Variants in GDF1 observed in about 807,000 individuals in gnomAD.
GDF1 encodes the protein growth differentiation factor 1.
GDF1 carries 8 observed loss-of-function variants against 7.4 expected under a neutral mutation model. The ratio of observed to expected loss-of-function variants is 1.09; its 90% CI spans 0.64 to 1.96. The LOEUF is 1.96. Ranked by LOEUF, GDF1 falls within the 30% of genes most tolerant of loss-of-function variation. The pLI is 0.00. For missense variants in GDF1, 574 were observed against 551.5 expected (o/e 1.04, Z -0.41); for synonymous variants, 311 against 276.7 (o/e 1.12, Z -1.23).
rs768626142 is a variant in GDF1, at chr19:18,879,233, C to T, written c.-423+8G>A. On this transcript the variant is annotated splice_region_variant and intron_variant, in intron 5 of 7. Coordinates refer to ENST00000247005, the MANE Select transcript of GDF1 (RefSeq NM_001492.6). ...CGCCACTGTGGAGGAGAGCCGGGGC[C>T]GACTCACCAGGAACCAGTAGAGGTT... 1.1e-5 allele frequency: 17 copies of T among 1,613,252 alleles called. No homozygotes were observed. Among genetic ancestry groups the T allele is most frequent in the Middle Eastern group, 1.6e-4 (1 of 6,080 alleles).
At chr19:18,872,815 A>C (rs1400182772) in intron 6 of GDF1, among the ~76,000 whole-genome samples, 1 of 146,762 alleles carries the variant, frequency 6.8e-6, no homozygotes, top group Non-Finnish European at 1.5e-5. Context: ...CGCCTGGCTA[A>C]TTTTTATATT....
intron 3 of GDF1, among the ~76,000 whole-genome samples, chr19:18,882,227 A>T (rs941560378): frequency 3.3e-5 from 5 of 152,190 alleles, no homozygotes; most frequent in Admixed American, 2.0e-4. Context: ...GAACTATGGG[A>T]ATGTTCTAAA....
In GDF1 at chr19:18,870,298, GC is replaced by G; in HGVS notation, c.9del (p.Pro4ArgfsTer23). On this transcript the variant is annotated frameshift_variant, in exon 7 of 8. Coordinates refer to ENST00000247005, the MANE Select transcript of GDF1 (RefSeq NM_001492.6). LOFTEE classifies it high-confidence loss of function. This position sits in a 1 kb window ranked among gnomAD's most constrained non-coding sequence, Gnocchi z 5.1. MP[P>X]PQQGPCGHHL... ...TGGTGGCCGCAGGGACCTTGCTGCG[GC>G]GGTGGCATCTTCCTCCCAGGCGATG... is the stretch of plus-strand genomic sequence containing the variant. 4 of 1,546,302 alleles carry G rather than the reference GC, an allele frequency of 2.6e-6. No individual in the cohort carries two copies. Among genetic ancestry groups the G allele is most frequent in the Non-Finnish European group, 3.5e-6 (4 of 1,146,774 alleles).
At chr19:18,877,104 G>A (rs1601158274) in intron 6 of GDF1, among the ~76,000 whole-genome samples, 2 of 152,220 alleles carry the variant, frequency 1.3e-5, no homozygotes, top group Non-Finnish European at 2.9e-5. Flanking sequence ...TGTCCTTGGA[G>A]AATCGAATTC....
chr19:18,880,428 TG>T lies in GDF1; in HGVS notation c.-726del. On this transcript the variant is annotated 5_prime_UTR_variant, in exon 4 of 8. An upstream open reading frame in the 5' UTR gains an earlier in-frame stop. Transcript: ENST00000247005. ...AGGAAGAGCACAAGGATGCCCACAT[TG>T]TGGTACCTGGGGGAGCAGCAGGCAG... The T allele has an allele frequency of 6.3e-7, 1 of 1,584,412 alleles. No individual in the cohort carries two copies. Among genetic ancestry groups the T allele is most frequent in the Non-Finnish European group, 8.6e-7 (1 of 1,163,518 alleles).
At position 18,884,453 on chromosome 19, in the gene GDF1, C is replaced by G. The variant is rs1164743086; in HGVS notation, c.-913-186G>C. Among the ~76,000 whole-genome samples, 6 of 150,844 alleles carry G rather than the reference C, an allele frequency of 4.0e-5. No homozygotes were observed. In the East Asian group the frequency reaches 9.7e-4, roughly 24 times the overall value. ...TTTTTCTTTGAGACGGAGTCTCCCT[C>G]TGTCGCCCAGGCTGGAGTGCAGTGG... On this transcript the variant is annotated intron_variant, in intron 2 of 7. Transcript: ENST00000247005.
rs1273796772 is a variant in GDF1, at chr19:18,869,075, C to T, written c.641G>A (p.Arg214His). The stretch of plus-strand genomic sequence containing the variant: ...CCGGGGGCGTAGCGCCAGCGCCAGG[C>T]GGAGGCTGCGCGGCCATGAGGCGTT... ...ARNASWPRSL[R>H]LALALRPRAP... Residue 214 changes from arginine (R) to histidine (H), a missense_variant, in exon 8 of 8, where the codon CGC (arginine) becomes CAC (histidine). Coordinates refer to ENST00000247005, the MANE Select transcript of GDF1 (RefSeq NM_001492.6). 2 of 1,060,172 alleles carry T rather than the reference C, an allele frequency of 1.9e-6. No individual in the cohort carries two copies. The highest frequency in any genetic ancestry group is 5.5e-5 in the Admixed American group (1 of 18,114). The allele number at this position is 1,060,172 out of a possible 1,614,324, so 65.7% of individuals were successfully genotyped here. A position where few individuals can be genotyped will look rare whatever the true frequency, so the allele number is the denominator to read the frequency against.
At chr19:18,891,734 T>C (rs1446980720) in intron 2 of GDF1, among the ~76,000 whole-genome samples, 1 of 151,404 alleles carries the variant, frequency 6.6e-6, no homozygotes, top group East Asian at 2.0e-4. Flanking sequence ...TGCCCCACCA[T>C]ACCAGGCTAA....
At chr19:18,884,296 G>A (rs1217709899) in intron 2 of GDF1, 29 bp from the exon 3 acceptor site, 9 of 1,585,522 alleles carry the variant, frequency 5.7e-6, no homozygotes, top group Non-Finnish European at 7.7e-6. Flanking sequence ...CACAGTCAGG[G>A]CCCTGCGAAG....
chr19:18,892,971 C>G (rs991110347), intron 2 of GDF1, among the ~76,000 whole-genome samples: 22 of 152,142 alleles, frequency 1.4e-4, no homozygotes, highest in African/African-American at 5.1e-4. Context: ...GGCTGGAGTG[C>G]AGTGGCGCGA....
At position 18,895,927 on chromosome 19, in the gene GDF1, A is replaced by C; in HGVS notation, c.-1177T>G. The C allele has an allele frequency of 8.2e-7, 1 of 1,212,614 alleles. No individual in the cohort carries two copies. Among genetic ancestry groups the C allele is most frequent in the Non-Finnish European group, 1.0e-6 (1 of 973,246 alleles). 75.1% of individuals were successfully genotyped at this position (1,212,614 alleles called of 1,614,324 possible). A position where few individuals can be genotyped will look rare whatever the true frequency, so the allele number is the denominator to read the frequency against. The stretch of plus-strand genomic sequence containing the variant: ...CGGCGCCAGGTGCGCGTGCTCAGCC[A>C]GGCCGCGACGCGCCAGCCCCCAGCC... On this transcript the variant is annotated 5_prime_UTR_variant, in exon 1 of 8. Coordinates refer to ENST00000247005, the MANE Select transcript of GDF1 (RefSeq NM_001492.6). The surrounding 1 kb of genome is among the most constrained non-coding windows in gnomAD (Gnocchi z 6.4).
At position 18,895,012 on chromosome 19, in the gene GDF1, A is replaced by G. The variant is rs1421621986; in HGVS notation, c.-1074+812T>C. Among the ~76,000 whole-genome samples, 1 of 152,174 alleles carries G rather than the reference A, an allele frequency of 6.6e-6. No homozygotes were observed. Among genetic ancestry groups the G allele is most frequent in the South Asian group, 2.1e-4 (1 of 4,830 alleles). ...GGGAAGTGAGTGGGGTCAGGCGCCAATGTCACCATCATGGTCACTCTCTCG... is the reference window on the plus strand; with the variant it reads ...GGGAAGTGAGTGGGGTCAGGCGCCAGTGTCACCATCATGGTCACTCTCTCG... On this transcript the variant is annotated intron_variant, in intron 1 of 7. Transcript: ENST00000247005. This position sits in a 1 kb window ranked among gnomAD's most constrained non-coding sequence, Gnocchi z 6.4.
chr19:18,894,702 C>A (rs916652907), intron 1 of GDF1, among the ~76,000 whole-genome samples: 2 of 152,138 alleles, frequency 1.3e-5, no homozygotes, highest in Non-Finnish European at 2.9e-5. Context: ...AGCCCTGTCT[C>A]CCCCTCCCAC....
Position 18,869,175 on chromosome 19 carries a change from C to T in GDF1, c.541G>A (p.Val181Met). 8.7e-7 allele frequency: 1 copy of T among 1,156,034 alleles called. No individual in the cohort carries two copies. The highest frequency in any genetic ancestry group is 1.1e-6 in the Non-Finnish European group (1 of 940,234). The allele number at this position is 1,156,034 out of a possible 1,614,324, so 71.6% of individuals were successfully genotyped here. The change falls in exon 8 of 8, where the codon GTG (valine) becomes ATG (methionine). Residue 181 changes from valine (V) to methionine (M), a missense_variant. By Grantham distance (21) the Val-to-Met change is conservative. Transcript: ENST00000247005. ...GQGAGADPGP[V>M]LLRQLVPALG... ...GCGGGCACCAACTGGCGGAGCAGCA[C>T]CGGCCCGGGGTCCGCGCCCGCGCCC...
At chr19:18,877,691 G>T (rs535529270) in intron 6 of GDF1, among the ~76,000 whole-genome samples, 120 of 148,274 alleles carry the variant, frequency 8.1e-4, no homozygotes, top group Non-Finnish European at 1.3e-3. Context: ...GGAGGCGGCG[G>T]TTGCAGCGAG....
intron 2 of GDF1, among the ~76,000 whole-genome samples, chr19:18,888,885 CTTT>C (rs1254595019): frequency 4.9e-5 from 7 of 142,366 alleles, no homozygotes; most frequent in African/African-American, 1.8e-4. Context: ...GAATTTCTTT[CTTT>C]CTTTTTTTTT....
chr19:18,895,965 G>A lies in GDF1; in HGVS notation c.-1215C>T, dbSNP rs2056616600. 2 of 1,068,230 alleles carry A rather than the reference G, an allele frequency of 1.9e-6. No individual in the cohort carries two copies. The highest frequency in any genetic ancestry group is 2.3e-6 in the Non-Finnish European group (2 of 883,256). 66.2% of individuals were successfully genotyped at this position (1,068,230 alleles called of 1,614,324 possible). A position where few individuals can be genotyped will look rare whatever the true frequency, so the allele number is the denominator to read the frequency against. On this transcript the variant is annotated 5_prime_UTR_variant, in exon 1 of 8. Transcript: ENST00000247005. This position sits in a 1 kb window ranked among gnomAD's most constrained non-coding sequence, Gnocchi z 6.4. Reference sequence around the variant, plus strand: ...CCAGCCCCCAGCCGCAGTCCGTGCAGCCCCGCGCCGCCGCCAGCGCGCTGC... The same window carrying A: ...CCAGCCCCCAGCCGCAGTCCGTGCAACCCCGCGCCGCCGCCAGCGCGCTGC...
At position 18,879,227 on chromosome 19, in the gene GDF1, C is replaced by G. The variant is rs376109182; in HGVS notation, c.-423+14G>C. ...CGGGACCGCCACTGTGGAGGAGAGC[C>G]GGGGCCGACTCACCAGGAACCAGTA... On this transcript the variant is annotated intron_variant, in intron 5 of 7. Coordinates refer to ENST00000247005, the MANE Select transcript of GDF1 (RefSeq NM_001492.6). 6.2e-7 allele frequency: 1 copy of G among 1,613,128 alleles called. No individual in the cohort carries two copies. Among genetic ancestry groups the G allele is most frequent in the African/African-American group, 1.3e-5 (1 of 74,854 alleles).
At chr19:18,873,083 G>A (rs953724694) in intron 6 of GDF1, among the ~76,000 whole-genome samples, 5 of 152,120 alleles carry the variant, frequency 3.3e-5, no homozygotes, top group Admixed American at 6.6e-5. Context: ...GAGGAGGAGA[G>A]GGAGACAGAG....
Sources: allele counts gnomAD v4.1 joint callset (sites outside exome capture counted in the v4.1 genomes callset), GRCh38; gene constraint gnomAD v4.1.1; non-coding constraint Gnocchi (gnomAD v3.1); transcripts MANE v1.5; gene names NCBI Gene and HGNC (gene_info 2026-07-23, HGNC 2026-07-21).